The following FUT8 variants were observed in gnomAD, a reference collection of about 807,000 sequenced individuals.
FUT8 encodes the protein alpha-(1,6)-fucosyltransferase.
Under a neutral mutation model 71.3 loss-of-function variants are expected in FUT8, and 29 were observed. That is an observed-to-expected ratio of 0.41 (90% CI 0.30 to 0.55). The LOEUF (loss-of-function observed/expected upper bound fraction) is 0.55, where lower values mean the gene tolerates loss of function less well. Among genes scored for constraint, FUT8 ranks in the 20% least tolerant of loss-of-function variants. The probability of loss-of-function intolerance (pLI) is 0.34; values close to 1 mark genes in which losing one functional copy is unlikely to be tolerated. For missense variants in FUT8, 544 were observed against 702.1 expected, an observed-to-expected ratio of 0.77 and a Z score of 2.55; for synonymous variants, 254 against 239.3, an observed-to-expected ratio of 1.06 and a Z score of -0.57.
chr14:65,401,432 C>A, the FUT8 span, among the ~76,000 whole-genome samples: 1 of 152,164 alleles, frequency 6.6e-6, no homozygotes, highest in Non-Finnish European at 1.5e-5. Flanking sequence ...GCCAGAAGAC[C>A]TATGACATGG....
intron 10 of FUT8, among the ~76,000 whole-genome samples, chr14:65,735,670 G>C (rs980420245): frequency 6.6e-6 from 1 of 152,126 alleles, no homozygotes; most frequent in Non-Finnish European, 1.5e-5. Context: ...TTTATATAGT[G>C]AGTAGCAGTT....
intron 3 of FUT8, among the ~76,000 whole-genome samples, chr14:65,590,906 A>G (rs1173659979): frequency 5.9e-5 from 9 of 152,300 alleles, no homozygotes; most frequent in Non-Finnish European, 1.0e-4. Flanking sequence ...TGGGAATTTT[A>G]GACATTTGTC....
the FUT8 span, among the ~76,000 whole-genome samples, chr14:65,402,758 T>TA: frequency 6.6e-6 from 1 of 152,118 alleles, no homozygotes; most frequent in African/African-American, 2.4e-5. Context: ...CTCAGCCTCT[T>TA]AAAGTGCTGG....
intron 2 of FUT8, among the ~76,000 whole-genome samples, chr14:65,559,332 T>C (rs1284313849): frequency 1.3e-5 from 2 of 152,140 alleles, no homozygotes; most frequent in African/African-American, 4.8e-5. Flanking sequence ...GATCAAAATA[T>C]TTGCCAAAAA....
intron 2 of FUT8, among the ~76,000 whole-genome samples, chr14:65,534,279 T>C (rs1191710008): frequency 6.6e-6 from 1 of 152,024 alleles, no homozygotes; most frequent in Admixed American, 6.6e-5. Flanking sequence ...TGTGCTACCA[T>C]GCCTGGCTAA....
chr14:65,439,954 G>GTGTATGTATATA lies in FUT8; in HGVS notation c.-325-15666_-325-15665insGTATGTATATAT. ...ATAAAGAAAATGTGTGTGTGTGTGT[G>GTGTATGTATATA]TATATATATATATATATATATATAT... On this transcript the variant is annotated intron_variant, in intron 1 of 10. Transcript: ENST00000673929. Among the ~76,000 whole-genome samples the GTGTATGTATATA allele has an allele frequency of 1.5e-3, 113 of 74,970 alleles. 3 individuals carry two copies. The highest frequency in any genetic ancestry group is 7.7e-3 in the South Asian group (13 of 1,688). The allele number at this position is 74,970 out of a possible 152,430, so 49.2% of individuals were successfully genotyped here. A position where few individuals can be genotyped will look rare whatever the true frequency, so the allele number is the denominator to read the frequency against.
At position 65,669,674 on chromosome 14, in the gene FUT8, A is replaced by T. The variant is rs1403111364; in HGVS notation, c.835+194A>T. 1.3e-5 allele frequency among the ~76,000 whole-genome samples: 2 copies of T among 152,202 alleles called. No individual in the cohort carries two copies. Among genetic ancestry groups the T allele is most frequent in the Non-Finnish European group, 2.9e-5 (2 of 68,024 alleles). The stretch of plus-strand genomic sequence containing the variant: ...TATTTTATTATGTATTTCATTTCTG[A>T]TGCTCATTTTTATGTGAATTTAGCA... On this transcript the variant is annotated intron_variant, in intron 7 of 10. Coordinates refer to ENST00000673929, the MANE Select transcript of FUT8 (RefSeq NM_001371533.1). The surrounding 1 kb of genome is among the most constrained non-coding windows in gnomAD (Gnocchi z 4.5).
intron 1 of FUT8, among the ~76,000 whole-genome samples, chr14:65,452,654 T>C (rs112407030): frequency 1.3e-4 from 20 of 152,326 alleles, no homozygotes; most frequent in African/African-American, 4.8e-4. Flanking sequence ...AATTGACTAC[T>C]GATCAATACA....
At chr14:65,723,588 G>T (rs1175122691) in intron 8 of FUT8, among the ~76,000 whole-genome samples, 2 of 152,196 alleles carry the variant, frequency 1.3e-5, no homozygotes, top group Non-Finnish European at 2.9e-5. Flanking sequence ...CCGTTAAAAG[G>T]TTTGCTGGTC....
At chr14:65,505,533 C>T (rs937030139) in intron 2 of FUT8, among the ~76,000 whole-genome samples, 7 of 151,754 alleles carry the variant, frequency 4.6e-5, no homozygotes, top group South Asian at 2.1e-4. Flanking sequence ...AGGATGGTCT[C>T]GATCTCATGA....
At chr14:65,496,409 G>A (rs961921851) in intron 2 of FUT8, among the ~76,000 whole-genome samples, 12 of 152,122 alleles carry the variant, frequency 7.9e-5, no homozygotes, top group Non-Finnish European at 1.2e-4. Context: ...GTTAGACTTT[G>A]TCTCCTCACC....
intron 6 of FUT8, among the ~76,000 whole-genome samples, chr14:65,665,143 A>G (rs1457517571): frequency 6.6e-6 from 1 of 152,132 alleles, no homozygotes; most frequent in African/African-American, 2.4e-5. Flanking sequence ...CATGCCTGAT[A>G]TTTTGTAATT....
chr14:65,461,449 T>A (rs1323631267), intron 2 of FUT8, among the ~76,000 whole-genome samples: 1 of 152,188 alleles, frequency 6.6e-6, no homozygotes, highest in Admixed American at 6.5e-5. Flanking sequence ...GTAGTTTCAG[T>A]CTTCAGTGCC....
chr14:65,431,162 A>T (rs1332477190), intron 1 of FUT8, among the ~76,000 whole-genome samples: 11 of 127,462 alleles, frequency 8.6e-5, no homozygotes, highest in African/African-American at 3.1e-4. Flanking sequence ...TACCCGGCTA[A>T]TTTTTTTTTT....
At chr14:65,538,936 A>G (rs1477982542) in intron 2 of FUT8, among the ~76,000 whole-genome samples, 2 of 151,912 alleles carry the variant, frequency 1.3e-5, no homozygotes, top group East Asian at 2.0e-4. Context: ...ACAAAACAAA[A>G]CAAAACAAAC....
intron 2 of FUT8, chr14:65,516,413 G>C (rs562858328): frequency 2.0e-5 from 3 of 152,262 alleles, no homozygotes; most frequent in South Asian, 4.1e-4. Flanking sequence ...AAATGTTAAA[G>C]ACATATGGAT....
intron 6 of FUT8, among the ~76,000 whole-genome samples, chr14:65,642,974 T>A (rs1352038951): frequency 3.9e-5 from 6 of 152,152 alleles, no homozygotes; most frequent in African/African-American, 1.4e-4. Context: ...CAATATGGAT[T>A]CTAGTTGGCA....
chr14:65,609,989 T>C (rs1290357609), intron 3 of FUT8, among the ~76,000 whole-genome samples: 2 of 151,946 alleles, frequency 1.3e-5, no homozygotes, highest in African/African-American at 4.8e-5. Context: ...ACTAATAATG[T>C]GGTTTAAAAT....
intron 1 of FUT8, among the ~76,000 whole-genome samples, chr14:65,427,554 T>C (rs1566740467): frequency 1.3e-5 from 2 of 152,238 alleles, no homozygotes; most frequent in South Asian, 4.1e-4. Context: ...CATATACCAA[T>C]TGGCCATTTA....
Sources: allele counts gnomAD v4.1 joint callset (sites outside exome capture counted in the v4.1 genomes callset), GRCh38; gene constraint gnomAD v4.1.1; non-coding constraint Gnocchi (gnomAD v3.1); transcripts MANE v1.5; gene names NCBI Gene and HGNC (gene_info 2026-07-23, HGNC 2026-07-21).